PCDHA6: variants seen among roughly 807,000 people sequenced by gnomAD.
PCDHA6 encodes protocadherin alpha 6.
In PCDHA6, 55 loss-of-function variants were observed where a neutral mutation model predicts 60.3. The ratio of observed to expected loss-of-function variants is 0.91; its 90% CI spans 0.73 to 1.14. The LOEUF (loss-of-function observed/expected upper bound fraction) is 1.14, where lower values mean the gene tolerates loss of function less well. PCDHA6 is among the 50% of genes most tolerant of loss of function. The pLI, the probability that PCDHA6 is intolerant of heterozygous loss-of-function variation, is 0.00. For missense variants in PCDHA6, 1,327 were observed against 1,256.5 expected, an observed-to-expected ratio of 1.06 and a Z score of -0.85; for synonymous variants, 652 against 557.9, an observed-to-expected ratio of 1.17 and a Z score of -2.38.
chr5:140,975,522 G>A (rs2096670563), intron 1 of PCDHA6, among the ~76,000 whole-genome samples: 1 of 152,128 alleles, frequency 6.6e-6, no homozygotes, highest in African/African-American at 2.4e-5. Context: ...ATCTGCAGTG[G>A]ATATATTCTT....
intron 1 of PCDHA6, chr5:140,866,970 A>T (rs545469392): frequency 6.6e-6 from 1 of 152,296 alleles, no homozygotes; most frequent in African/African-American, 2.4e-5. Flanking sequence ...GTGACATCTG[A>T]AATATCACAG....
chr5:140,980,877 C>T (rs1321284538), intron 2 of PCDHA6, among the ~76,000 whole-genome samples: 9 of 152,186 alleles, frequency 5.9e-5, no homozygotes, highest in African/African-American at 1.7e-4. Flanking sequence ...TGGGTGTTCT[C>T]GGTCTTTCCA....
intron 1 of PCDHA6, among the ~76,000 whole-genome samples, chr5:140,846,239 T>TATACA (rs1419115940): frequency 1.3e-5 from 2 of 149,652 alleles, no homozygotes; most frequent in Admixed American, 6.7e-5. Context: ...TAAAAAGAAG[T>TATACA]ATACAATAAT....
chr5:140,993,234 A>AATCTG (rs1554253510), intron 3 of PCDHA6, among the ~76,000 whole-genome samples: 1 of 152,130 alleles, frequency 6.6e-6, no homozygotes, highest in Non-Finnish European at 1.5e-5. Flanking sequence ...GTTCTCTCTG[A>AATCTG]ATCTGGGGAT....
intron 1 of PCDHA6, among the ~76,000 whole-genome samples, chr5:140,902,203 C>CTTT (rs148688132): frequency 4.8e-5 from 6 of 124,458 alleles, no homozygotes; most frequent in Non-Finnish European, 8.4e-5. Flanking sequence ...CTCTCTCTTT[C>CTTT]TTTTTTTTTT....
At chr5:140,906,966 G>A (rs1401949243) in intron 1 of PCDHA6, among the ~76,000 whole-genome samples, 5 of 152,120 alleles carry the variant, frequency 3.3e-5, no homozygotes, top group African/African-American at 1.2e-4. Context: ...TGGAATCGTG[G>A]TTGTGTCTTC....
At position 140,852,693 on chromosome 5, in the gene PCDHA6, C is replaced by T. The variant is rs138488585; in HGVS notation, c.2394+22208C>T. 6.9e-4 allele frequency: 673 copies of T among 973,480 alleles called. 53 individuals carry two copies. Among genetic ancestry groups the T allele is most frequent in the African/African-American group, 2.3e-3 (127 of 56,176 alleles). The allele number at this position is 973,480 out of a possible 1,614,324, so 60.3% of individuals were successfully genotyped here. A position where few individuals can be genotyped will look rare whatever the true frequency, so the allele number is the denominator to read the frequency against. Reference sequence around the variant, plus strand: ...AACTCACCTTGAATATAGTCTTATACTTTCAAGTATCTTTGTCTTTGCACG... The same window carrying T: ...AACTCACCTTGAATATAGTCTTATATTTTCAAGTATCTTTGTCTTTGCACG... On this transcript the variant is annotated intron_variant, in intron 1 of 3. Transcript: ENST00000529310.
At chr5:140,963,659 A>G (rs1474288889) in intron 1 of PCDHA6, among the ~76,000 whole-genome samples, 3 of 152,222 alleles carry the variant, frequency 2.0e-5, no homozygotes. Context: ...TTGATTTCCT[A>G]TATGGCATAG....
At chr5:140,843,312 C>T (rs2150357141) in intron 1 of PCDHA6, 1 of 1,596,048 alleles carries the variant, frequency 6.3e-7, no homozygotes, top group Non-Finnish European at 8.6e-7. Context: ...GCCACGGCCA[C>T]GGTTCTGGTG....
chr5:140,877,457 C>T lies in PCDHA6; in HGVS notation c.2394+46972C>T, dbSNP rs73263833. On this transcript the variant is annotated intron_variant, in intron 1 of 3. Coordinates refer to ENST00000529310, the MANE Select transcript of PCDHA6 (RefSeq NM_018909.4). ...CACGGTGAGCCCGCGCTGACGTCCACGGCCACGGTGCTGGTGTCGCTGGTG... is the reference window on the plus strand; with the variant it reads ...CACGGTGAGCCCGCGCTGACGTCCATGGCCACGGTGCTGGTGTCGCTGGTG... 1.0e-3 allele frequency: 1,615 copies of T among 1,613,806 alleles called. 8 individuals carry two copies. The African/African-American group carries it at 0.018, about 18-fold the overall frequency.
chr5:140,829,306 C>G lies in PCDHA6; in HGVS notation c.1215C>G (p.Tyr405Ter), dbSNP rs145661045. ...TGGTGTCCACCTTCAAGAATTACTA[C>G]TCGTTGGTGCTGGACAGTGCCCTGG... ...FKLVSTFKNY[Y>*]SLVLDSALDR... Residue 405 changes from tyrosine to a stop codon, truncating the protein, a stop_gained, in exon 1 of 4, where the codon TAC (tyrosine) becomes TAG (stop). Coordinates refer to ENST00000529310, the MANE Select transcript of PCDHA6 (RefSeq NM_018909.4). LOFTEE classifies it high-confidence loss of function. 6.2e-6 allele frequency: 10 copies of G among 1,614,134 alleles called. No individual in the cohort carries two copies. The highest frequency in any genetic ancestry group is 8.5e-6 in the Non-Finnish European group (10 of 1,180,054).
chr5:140,867,997 T>C (rs2050231431), intron 1 of PCDHA6: 1 of 152,144 alleles, frequency 6.6e-6, no homozygotes. Flanking sequence ...TTCATGAATA[T>C]AACTGAATTA....
intron 1 of PCDHA6, among the ~76,000 whole-genome samples, chr5:140,919,331 A>G (rs2079089725): frequency 6.6e-6 from 1 of 152,026 alleles, no homozygotes; most frequent in Non-Finnish European, 1.5e-5. Context: ...TTTACTTTCA[A>G]TCTGTTTGTA....
Position 140,974,796 on chromosome 5 carries a change from G to T in PCDHA6, c.2395-4153G>T, listed in dbSNP as rs2096640726. On this transcript the variant is annotated intron_variant, in intron 1 of 3. Transcript: ENST00000529310. The stretch of plus-strand genomic sequence containing the variant: ...AGCCACTGCGCCCAGCCCTCATTTT[G>T]ATATACTAGAAGACCAATATGCAAC... Among the ~76,000 whole-genome samples the T allele has an allele frequency of 2.6e-5, 4 of 152,194 alleles. No individual in the cohort carries two copies. In the South Asian group the frequency reaches 8.3e-4, roughly 32 times the overall value.
rs1777075612 is a variant in PCDHA6 at position 140,841,185 on chromosome 5, G to A, written c.2394+10700G>A. The A allele has an allele frequency of 5.9e-6, 7 of 1,192,098 alleles. No homozygotes were observed. In the Admixed American group the frequency reaches 1.3e-4, roughly 22 times the overall value. The allele number at this position is 1,192,098 out of a possible 1,614,324, so 73.8% of individuals were successfully genotyped here. A position where few individuals can be genotyped will look rare whatever the true frequency, so the allele number is the denominator to read the frequency against. Reference sequence around the variant, plus strand: ...AAGTTCTGGTTGGTCAATGTTCAAAGTCTTTTCTCTGACAGCATCTGTCTC... The same window carrying A: ...AAGTTCTGGTTGGTCAATGTTCAAAATCTTTTCTCTGACAGCATCTGTCTC... On this transcript the variant is annotated intron_variant, in intron 1 of 3. Coordinates refer to ENST00000529310, the MANE Select transcript of PCDHA6 (RefSeq NM_018909.4).
intron 3 of PCDHA6, among the ~76,000 whole-genome samples, chr5:141,002,613 A>G (rs1587992392): frequency 1.3e-5 from 2 of 152,206 alleles, no homozygotes; most frequent in African/African-American, 4.8e-5. Context: ...AAACAGACAC[A>G]TAACACAGAC....
At chr5:140,851,304 C>A in intron 1 of PCDHA6, 2 of 1,006,386 alleles carry the variant, frequency 2.0e-6, no homozygotes, top group Non-Finnish European at 2.4e-6. Flanking sequence ...AAATATATAG[C>A]AATTGTTACC....
rs565071573 is a variant in PCDHA6, at chr5:141,009,664, G to A, written c.2580G>A (p.Ala860=). The A allele has an allele frequency of 2.2e-5, 36 of 1,613,862 alleles. No individual in the cohort carries two copies. The highest frequency in any genetic ancestry group is 5.0e-5 in the Admixed American group (3 of 59,974). The stretch of plus-strand genomic sequence containing the variant: ...GAGAAGTGTCCCCTCCAGTCGGTGC[G>A]GGTGTCAACAGCAACAGCTGGACCT... The part of the protein sequence containing the change: ...EAGEVSPPVG[A]GVNSNSWTFK... Residue 860 remains alanine (A), a synonymous_variant, in exon 4 of 4, where the codon GCG becomes GCA. Transcript: ENST00000529310.
chr5:140,863,494 C>T (rs1203332871), intron 1 of PCDHA6: 2 of 442,624 alleles, frequency 4.5e-6, no homozygotes, highest in East Asian at 6.0e-5. Context: ...GTCAACATTA[C>T]GGCTTTTAGT....
Sources: gnomAD v4.1 joint callset for allele counts (sites outside exome capture counted in the v4.1 genomes callset) on GRCh38, gnomAD v4.1.1 for gene constraint, MANE v1.5 for transcripts, NCBI Gene and HGNC (gene_info 2026-07-23, HGNC 2026-07-21) for gene names.